Variants in ACAP1 observed in about 807,000 individuals in gnomAD.
ACAP1 encodes arf-GAP with coiled-coil, ANK repeat and PH domain-containing protein 1.
A neutral mutation model predicts 98.8 loss-of-function variants in ACAP1; 45 were observed. The ratio of observed to expected loss-of-function variants is 0.46; its 90% CI spans 0.36 to 0.58. The LOEUF (loss-of-function observed/expected upper bound fraction) is 0.58. Among genes scored for constraint, ACAP1 ranks in the 20% least tolerant of loss-of-function variants. ACAP1 has a pLI of 0.00. For synonymous variants in ACAP1, 362 were observed against 375.3 expected (o/e 0.96, Z 0.41); for missense variants, 735 against 971.4 (o/e 0.76, Z 3.24).
intron 17 of ACAP1, 104 bp downstream of exon 17, chr17:7,348,579 C>A: frequency 7.7e-7 from 1 of 1,292,984 alleles, no homozygotes; most frequent in Non-Finnish European, 1.0e-6. Context: ...TTCCGCTGGA[C>A]AATGTCGGAG....
intron 1 of ACAP1, 195 bp from the exon 2 acceptor site, chr17:7,337,117 C>T (rs921460645): frequency 1.5e-6 from 1 of 658,780 alleles, no homozygotes; most frequent in Non-Finnish European, 2.7e-6. Flanking sequence ...TCCTTCTACC[C>T]TTCCTGCTCT....
chr17:7,338,898 G>T (rs374185488), intron 2 of ACAP1, among the ~76,000 whole-genome samples: 14 of 152,006 alleles, frequency 9.2e-5, no homozygotes, highest in African/African-American at 3.4e-4. Flanking sequence ...GTGAGGAGAG[G>T]TCTCATGTAC....
chr17:7,342,076 A>G lies in ACAP1; in HGVS notation c.231+9A>G. On this transcript the variant is annotated intron_variant, in intron 3 of 21. Transcript: ENST00000158762. ...CAGAGCCCATGATGGCGGTATGCGGAGGGTCTGCATCTGGGAGGGAAGGGG... is the reference window on the plus strand; with the variant it reads ...CAGAGCCCATGATGGCGGTATGCGGGGGGTCTGCATCTGGGAGGGAAGGGG... The G allele has an allele frequency of 6.2e-7, 1 of 1,613,360 alleles. No individual in the cohort carries two copies. The highest frequency in any genetic ancestry group is 8.5e-7 in the Non-Finnish European group (1 of 1,179,800).
chr17:7,342,866 C>T (rs1189700435), intron 5 of ACAP1: 2 of 241,336 alleles, frequency 8.3e-6, no homozygotes, highest in African/African-American at 2.6e-5. Flanking sequence ...CAAGATCGCA[C>T]TACTTCACTT....
chr17:7,337,298 C>G lies in ACAP1; in HGVS notation c.54-14C>G. 6.2e-7 allele frequency: 1 copy of G among 1,613,718 alleles called. No individual in the cohort carries two copies. Among genetic ancestry groups the G allele is most frequent in the Non-Finnish European group, 8.5e-7 (1 of 1,179,706 alleles). On this transcript the variant is annotated splice_polypyrimidine_tract_variant and intron_variant, in intron 1 of 21. Transcript: ENST00000158762. ...TGGACCCAAGCTCTCTTCCCATGAC[C>G]CCCTCTTTCCCAGAGCCTCTATTGA...
In ACAP1 at chr17:7,349,166, C is replaced by T. The variant is rs761279251; in HGVS notation, c.1850C>T (p.Ala617Val). The change falls in exon 18 of 22, where the codon GCT becomes GTT. Residue 617 changes from alanine (A) to valine (V), a missense_variant and splice_region_variant. Physicochemically the swap from Ala to Val is moderately conservative, Grantham distance 64. Coordinates refer to ENST00000158762, the MANE Select transcript of ACAP1 (RefSeq NM_014716.4). ...NATPLIQATA[A>V]NSLLACEFLL... Reference sequence around the variant, plus strand: ...ACACCGCTGATCCAGGCCACAGCTGCTGTAAGAGCCCTGCTGACCTCTCCA... The same window carrying T: ...ACACCGCTGATCCAGGCCACAGCTGTTGTAAGAGCCCTGCTGACCTCTCCA... The T allele has an allele frequency of 5.6e-6, 9 of 1,613,810 alleles. No individual in the cohort carries two copies. Among genetic ancestry groups the T allele is most frequent in the Non-Finnish European group, 5.9e-6 (7 of 1,179,916 alleles).
rs780875526 is a variant in ACAP1, at chr17:7,343,424, G to T, written c.390G>T (p.Gly130=). ...AGGCTCGCCGGGATTTCTGGCGGGG[G>T]GCTGAGAGCCTGGAGGCTGCCCTGA... ...FREARRDFWR[G]AESLEAALTH... is the part of the protein sequence containing the mutation. The change falls in exon 6 of 22, where the codon GGG becomes GGT. Residue 130 remains glycine, a synonymous_variant. Transcript: ENST00000158762. This position sits in a 1 kb window ranked among gnomAD's most constrained non-coding sequence, Gnocchi z 4.9. 4 of 1,613,924 alleles carry T rather than the reference G, an allele frequency of 2.5e-6. No homozygotes were observed. Among genetic ancestry groups the T allele is most frequent in the Non-Finnish European group, 3.4e-6 (4 of 1,179,970 alleles).
At chr17:7,341,659 G>A (rs1195418490) in intron 2 of ACAP1, among the ~76,000 whole-genome samples, 1 of 152,228 alleles carries the variant, frequency 6.6e-6, no homozygotes, top group East Asian at 1.9e-4. Context: ...AGTGGACAGG[G>A]AAAGATGTTT....
intron 2 of ACAP1, among the ~76,000 whole-genome samples, 185 bp from the exon 3 acceptor site, chr17:7,341,763 C>T (rs1053195001): frequency 2.0e-5 from 3 of 152,052 alleles, no homozygotes; most frequent in East Asian, 1.9e-4. Flanking sequence ...AAAGACGCAG[C>T]GATAAGAACA....
intron 2 of ACAP1, among the ~76,000 whole-genome samples, 176 bp from the exon 3 acceptor site, chr17:7,341,772 C>T (rs1001748153): frequency 6.6e-6 from 1 of 152,166 alleles, no homozygotes; most frequent in Admixed American, 6.5e-5. Flanking sequence ...GCGATAAGAA[C>T]ACAGCAGGTA....
Position 7,342,255 on chromosome 17 carries a change from C to G in ACAP1, c.232-20C>G, listed in dbSNP as rs2073291297. On this transcript the variant is annotated intron_variant, in intron 3 of 21. Coordinates refer to ENST00000158762, the MANE Select transcript of ACAP1 (RefSeq NM_014716.4). ...TGCCACCCCATGCCTGGTACTCTTT[C>G]TGTGCCTCTTCTTGCCTAGGAGTGT... is the stretch of plus-strand genomic sequence containing the variant. 5 of 1,613,770 alleles carry G rather than the reference C, an allele frequency of 3.1e-6. No individual in the cohort carries two copies. Among genetic ancestry groups the G allele is most frequent in the Middle Eastern group, 1.7e-4 (1 of 5,924 alleles).
Position 7,344,503 on chromosome 17 carries a change from C to A in ACAP1, c.745-36C>A. On this transcript the variant is annotated intron_variant, in intron 9 of 21. Transcript: ENST00000158762. This position sits in a 1 kb window ranked among gnomAD's most constrained non-coding sequence, Gnocchi z 4.9. ...GATGCCTATGGCCTTGGTGTCTGCC[C>A]ATCTCAGTTGCCCTTTGATCCTCTT... 6.8e-7 allele frequency: 1 copy of A among 1,466,286 alleles called. No homozygotes were observed. The highest frequency in any genetic ancestry group is 9.3e-7 in the Non-Finnish European group (1 of 1,070,592). The allele number at this position is 1,466,286 out of a possible 1,614,324, so 90.8% of individuals were successfully genotyped here. A position where few individuals can be genotyped will look rare whatever the true frequency, so the allele number is the denominator to read the frequency against.
In ACAP1 at chr17:7,351,061, CG is replaced by C. The variant is rs1404600218; in HGVS notation, c.2122+64del. 6 of 1,501,138 alleles carry C rather than the reference CG, an allele frequency of 4.0e-6. No individual in the cohort carries two copies. The Admixed American group carries it at 8.5e-5, about 21-fold the overall frequency. The allele number at this position is 1,501,138 out of a possible 1,614,324, so 93.0% of individuals were successfully genotyped here. On this transcript the variant is annotated intron_variant, in intron 21 of 21. Transcript: ENST00000158762. ...ACCTGAACTCTGGGCTTCTGGTCCA[CG>C]GTGACCTCTCTCCCTAGTGCCCAGC...
chr17:7,351,439 C>G lies in ACAP1; in HGVS notation c.*44C>G, dbSNP rs1232289754. The G allele has an allele frequency of 6.9e-7, 1 of 1,444,126 alleles. No individual in the cohort carries two copies. The highest frequency in any genetic ancestry group is 9.6e-7 in the Non-Finnish European group (1 of 1,041,350). 89.5% of individuals were successfully genotyped at this position (1,444,126 alleles called of 1,614,324 possible). A position where few individuals can be genotyped will look rare whatever the true frequency, so the allele number is the denominator to read the frequency against. On this transcript the variant is annotated 3_prime_UTR_variant, in exon 22 of 22. Transcript: ENST00000158762. ...CGCGCCTGCCTCCCTTCCCCGCCAC[C>G]GGGCCCTCTGCCATTAAAGCCTCCG...
intron 10 of ACAP1, chr17:7,345,184 G>A (rs2073334370): frequency 6.5e-6 from 1 of 152,768 alleles, no homozygotes; most frequent in Non-Finnish European, 1.5e-5. Context: ...GCCGCTATAG[G>A]GTTTGGAACA....
At chr17:7,346,954 A>T in intron 13 of ACAP1, 23 bp downstream of exon 13, 1 of 1,599,124 alleles carries the variant, frequency 6.3e-7, no homozygotes, top group Non-Finnish European at 8.6e-7. Context: ...GGGGGTGCGG[A>T]GCCAGGCTGC....
chr17:7,336,853 T>A, intron 1 of ACAP1, 66 bp downstream of exon 1: 1 of 1,554,370 alleles, frequency 6.4e-7, no homozygotes, highest in Non-Finnish European at 8.9e-7. Context: ...CACACACACC[T>A]TTCCCCAGGC....
chr17:7,341,671 G>T (rs541213488), intron 2 of ACAP1, among the ~76,000 whole-genome samples: 6 of 152,344 alleles, frequency 3.9e-5, no homozygotes, highest in Admixed American at 1.3e-4. Context: ...AAGATGTTTT[G>T]GAGGTAAGGC....
intron 2 of ACAP1, among the ~76,000 whole-genome samples, chr17:7,341,638 A>G (rs558627101): frequency 2.6e-5 from 4 of 152,294 alleles, no homozygotes; most frequent in Admixed American, 2.6e-4. Context: ...GGGCAGGAAG[A>G]GATATGTGCG....
Sources: gnomAD v4.1 joint callset for allele counts (sites outside exome capture counted in the v4.1 genomes callset) on GRCh38, gnomAD v4.1.1 for gene constraint, Gnocchi (gnomAD v3.1) non-coding constraint, MANE v1.5 for transcripts, NCBI Gene and HGNC (gene_info 2026-07-23, HGNC 2026-07-21) for gene names.